LAMA2: variants seen among roughly 807,000 people sequenced by gnomAD.
LAMA2 encodes the protein laminin subunit alpha 2.
Under a neutral mutation model 364.8 loss-of-function variants are expected in LAMA2, and 269 were observed. The observed-to-expected ratio is 0.74, with a 90% CI of 0.67 to 0.82. LAMA2 has a LOEUF of 0.82. LAMA2 is among the 40% of genes least tolerant of loss of function. The probability of loss-of-function intolerance (pLI) is 0.00; values close to 1 mark genes in which losing one functional copy is unlikely to be tolerated. For missense variants in LAMA2, 3,807 were observed against 3,873.2 expected (o/e 0.98, Z 0.45); for synonymous variants, 1,379 against 1,370.6 (o/e 1.01, Z -0.14).
Position 129,311,529 on chromosome 6 carries a change from C to T in LAMA2, c.3175-1332C>T, listed in dbSNP as rs147125771. On this transcript the variant is annotated intron_variant, in intron 22 of 64. Transcript: ENST00000421865. ...AAGCCTATCATTCTGCCACCGGATACGGAGAAATGTCTACGGGGTCTACCT... is the reference window on the plus strand; with the variant it reads ...AAGCCTATCATTCTGCCACCGGATATGGAGAAATGTCTACGGGGTCTACCT... 9.8e-3 allele frequency among the ~76,000 whole-genome samples: 1,496 copies of T among 152,202 alleles called. 23 individuals carry two copies. The highest frequency in any genetic ancestry group is 0.013 in the Non-Finnish European group (913 of 68,014).
chr6:129,255,482 C>T (rs1786592514), intron 14 of LAMA2, among the ~76,000 whole-genome samples: 1 of 147,114 alleles, frequency 6.8e-6, no homozygotes, highest in African/African-American at 2.5e-5. Flanking sequence ...CCCTAACAGT[C>T]ACCCAGGCCT....
chr6:128,925,985 C>A (rs2114501134), intron 1 of LAMA2, among the ~76,000 whole-genome samples: 1 of 152,294 alleles, frequency 6.6e-6, no homozygotes. Context: ...CTCCACTGGA[C>A]TGGGACTCTC....
chr6:128,983,980 T>C (rs549607338), intron 1 of LAMA2, among the ~76,000 whole-genome samples: 11 of 152,230 alleles, frequency 7.2e-5, no homozygotes, highest in Non-Finnish European at 1.5e-4. Flanking sequence ...ACCAGTGATA[T>C]TTGTTTTTTC....
chr6:129,145,361 C>T (rs1201664281), intron 5 of LAMA2, among the ~76,000 whole-genome samples: 1 of 152,046 alleles, frequency 6.6e-6, no homozygotes, highest in African/African-American at 2.4e-5. Context: ...ATTTTCCAAA[C>T]TTGAAATAAT....
chr6:129,141,711 A>G (rs1004257577), intron 4 of LAMA2, among the ~76,000 whole-genome samples: 3 of 152,070 alleles, frequency 2.0e-5, no homozygotes, highest in Non-Finnish European at 4.4e-5. Flanking sequence ...CACACATGAT[A>G]TATCATCTTA....
chr6:129,455,731 T>C (rs2114793668), intron 47 of LAMA2, among the ~76,000 whole-genome samples: 1 of 152,324 alleles, frequency 6.6e-6, no homozygotes, highest in Middle Eastern at 3.4e-3. Context: ...ATGCAATTTG[T>C]ACACTGAAAT....
At chr6:129,240,383 A>G (rs918187681) in intron 12 of LAMA2, among the ~76,000 whole-genome samples, 2 of 152,106 alleles carry the variant, frequency 1.3e-5, no homozygotes, top group Non-Finnish European at 2.9e-5. Flanking sequence ...ACATTCTCCA[A>G]CGCTTTCTCA....
chr6:129,104,086 A>G (rs927294424), intron 4 of LAMA2, among the ~76,000 whole-genome samples: 2 of 151,718 alleles, frequency 1.3e-5, no homozygotes, highest in Admixed American at 6.6e-5. Context: ...GTCCAGTGGC[A>G]TGATTATAGC....
In LAMA2 at chr6:129,234,061, A is replaced by G. The variant is rs138627604; in HGVS notation, c.1783-16051A>G. 3.8e-3 allele frequency among the ~76,000 whole-genome samples: 585 copies of G among 152,240 alleles called. 6 individuals carry two copies. Among genetic ancestry groups the G allele is most frequent in the African/African-American group, 0.013 (542 of 41,552 alleles). On this transcript the variant is annotated intron_variant, in intron 12 of 64. Transcript: ENST00000421865. Reference sequence around the variant, plus strand: ...CTTTGCCTGAAGCAAAGTTCTCACTATGGGAAGTTGCAGCCGAGTAGTGAA... The same window carrying G: ...CTTTGCCTGAAGCAAAGTTCTCACTGTGGGAAGTTGCAGCCGAGTAGTGAA...
intron 4 of LAMA2, among the ~76,000 whole-genome samples, chr6:129,111,509 C>A (rs2114900997): frequency 6.6e-6 from 1 of 152,034 alleles, no homozygotes; most frequent in South Asian, 2.1e-4. Context: ...GAGCCTACTA[C>A]TATTATGTTG....
intron 1 of LAMA2, among the ~76,000 whole-genome samples, chr6:129,030,348 ATTG>A (rs1786138226): frequency 6.6e-6 from 1 of 151,998 alleles, no homozygotes; most frequent in Non-Finnish European, 1.5e-5. Context: ...TATGTTGTTC[ATTG>A]TTGTGTAATT....
chr6:128,912,943 G>C (rs1778078440), intron 1 of LAMA2, among the ~76,000 whole-genome samples: 1 of 152,154 alleles, frequency 6.6e-6, no homozygotes, highest in East Asian at 1.9e-4. Context: ...GGGCTGTGGA[G>C]CATGGGCGAC....
intron 1 of LAMA2, among the ~76,000 whole-genome samples, chr6:128,910,945 G>A (rs1240440133): frequency 6.6e-6 from 1 of 151,562 alleles, no homozygotes; most frequent in Non-Finnish European, 1.5e-5. Flanking sequence ...CAGTTAGGCT[G>A]CTCGGGGGTC....
chr6:129,473,970 T>C (rs1476549540), intron 52 of LAMA2, among the ~76,000 whole-genome samples: 1 of 152,042 alleles, frequency 6.6e-6, no homozygotes, highest in Non-Finnish European at 1.5e-5. Context: ...TCACGTGCTG[T>C]GTAGTTAATT....
At chr6:129,314,353 A>C (rs904559028) in intron 23 of LAMA2, among the ~76,000 whole-genome samples, 13 of 140,296 alleles carry the variant, frequency 9.3e-5, no homozygotes, top group African/African-American at 3.1e-4. Flanking sequence ...GAGCAGAGAT[A>C]GCGCCACTGC....
At chr6:129,249,754 A>G (rs1786038687) in intron 12 of LAMA2, among the ~76,000 whole-genome samples, 1 of 152,128 alleles carries the variant, frequency 6.6e-6, no homozygotes, top group Non-Finnish European at 1.5e-5. Context: ...GAACTCTCCC[A>G]ATTTTGACAA....
At chr6:129,385,791 A>G (rs544006258) in intron 35 of LAMA2, among the ~76,000 whole-genome samples, 1 of 152,314 alleles carries the variant, frequency 6.6e-6, no homozygotes, top group Non-Finnish European at 1.5e-5. Flanking sequence ...AATCAATGAT[A>G]GACACCTTTC....
In LAMA2 at chr6:129,102,963, G is replaced by A. The variant is rs758502155; in HGVS notation, c.639+4548G>A. On this transcript the variant is annotated intron_variant, in intron 4 of 64. Coordinates refer to ENST00000421865, the MANE Select transcript of LAMA2 (RefSeq NM_000426.4). ...CCAAGCCAGCGTGTGTGGGAATTAC[G>A]AAAGTCCCACCCATGCAGTCCTGGA... Among the ~76,000 whole-genome samples, 15 of 152,154 alleles carry A rather than the reference G, an allele frequency of 9.9e-5. 1 individual carries two copies. The highest frequency in any genetic ancestry group is 3.1e-4 in the African/African-American group (13 of 41,428).
At chr6:129,342,113 A>G (rs890145322) in intron 29 of LAMA2, among the ~76,000 whole-genome samples, 12 of 152,218 alleles carry the variant, frequency 7.9e-5, no homozygotes, top group Non-Finnish European at 1.8e-4. Context: ...TCTTATTGTC[A>G]GTGTAGCTAC....
Sources: gnomAD v4.1 joint callset for allele counts (sites outside exome capture counted in the v4.1 genomes callset) on GRCh38, gnomAD v4.1.1 for gene constraint, MANE v1.5 for transcripts, NCBI Gene and HGNC (gene_info 2026-07-23, HGNC 2026-07-21) for gene names.